ALDH1L1: variants seen among roughly 807,000 people sequenced by gnomAD.
The protein encoded by ALDH1L1 is cytosolic 10-formyltetrahydrofolate dehydrogenase.
ALDH1L1 carries 68 observed loss-of-function variants against 101.1 expected under a neutral mutation model. The observed-to-expected ratio is 0.67, with a 90% CI of 0.55 to 0.82. The LOEUF is 0.82. Among genes scored for constraint, ALDH1L1 ranks in the 40% least tolerant of loss-of-function variants. The pLI, the probability that ALDH1L1 is intolerant of heterozygous loss-of-function variation, is 0.00. For missense variants in ALDH1L1, 1,087 were observed against 1,172.7 expected, an observed-to-expected ratio of 0.93 and a Z score of 1.07; for synonymous variants, 486 against 470.8, an observed-to-expected ratio of 1.03 and a Z score of -0.42.
intron 20 of ALDH1L1, among the ~76,000 whole-genome samples, chr3:126,109,617 G>A (rs923771345): frequency 5.9e-5 from 9 of 152,210 alleles, no homozygotes; most frequent in Non-Finnish European, 1.2e-4. Context: ...GAGGTTAACA[G>A]CCAGTGAAAT....
Position 126,167,110 on chromosome 3 carries a change from C to G in ALDH1L1, c.-23-6108G>C, listed in dbSNP as rs184832465. Among the ~76,000 whole-genome samples the G allele has an allele frequency of 3.3e-5, 5 of 152,202 alleles. No homozygotes were observed. The South Asian group carries it at 6.2e-4, about 19-fold the overall frequency. On this transcript the variant is annotated intron_variant, in intron 1 of 22. Transcript: ENST00000393434. ...CCAACCATAAATTCAAGTTATTATACTATATAAGCCTATAAAATACATAGA... is the reference window on the plus strand; with the variant it reads ...CCAACCATAAATTCAAGTTATTATAGTATATAAGCCTATAAAATACATAGA...
intron 1 of ALDH1L1, among the ~76,000 whole-genome samples, chr3:126,174,795 A>G (rs143736757): frequency 7.4e-4 from 112 of 152,294 alleles, no homozygotes; most frequent in African/African-American, 2.5e-3. Context: ...ATATATTATT[A>G]AAGAAGAAAG....
At chr3:126,183,539 T>C (rs2081493177), upstream of ALDH1L1, among the ~76,000 whole-genome samples, 1 of 152,138 alleles carries the variant, frequency 6.6e-6, no homozygotes, top group Admixed American at 6.5e-5. Context: ...GGAGAATCAC[T>C]CTGGGGCCAG....
intron 7 of ALDH1L1, chr3:126,153,211 G>A: frequency 1.7e-6 from 1 of 598,790 alleles, no homozygotes; most frequent in East Asian, 3.2e-5. Flanking sequence ...GCCTAGCCAG[G>A]AAGGGTAGGG....
chr3:126,191,503 G>A (rs910484766), intron 1 of ALDH1L1, among the ~76,000 whole-genome samples: 4 of 152,178 alleles, frequency 2.6e-5, no homozygotes, highest in African/African-American at 4.8e-5. Context: ...CGGTAAGGCC[G>A]GTTTCTGCCA....
At chr3:126,121,271 G>A (rs1003874471) in intron 16 of ALDH1L1, among the ~76,000 whole-genome samples, 6 of 152,188 alleles carry the variant, frequency 3.9e-5, no homozygotes, top group East Asian at 1.9e-4. Flanking sequence ...GCTGCGCGGC[G>A]CTGCCTTGCA....
At chr3:126,127,127 G>T (rs1405456397) in intron 14 of ALDH1L1, among the ~76,000 whole-genome samples, 3 of 152,182 alleles carry the variant, frequency 2.0e-5, no homozygotes. Flanking sequence ...TTAGGCCCTG[G>T]ATTGGTGGTC....
At position 126,163,608 on chromosome 3, in the gene ALDH1L1, T is replaced by C. The variant is rs149719775; in HGVS notation, c.-23-2606A>G. Reference sequence around the variant, plus strand: ...CATATTATGAAAGTTGTCTTATTAATATATTTCTGGCTGCCAATCATGACA... The same window carrying C: ...CATATTATGAAAGTTGTCTTATTAACATATTTCTGGCTGCCAATCATGACA... On this transcript the variant is annotated intron_variant, in intron 1 of 22. Transcript: ENST00000393434. 1.4e-4 allele frequency among the ~76,000 whole-genome samples: 22 copies of C among 152,322 alleles called. No individual in the cohort carries two copies. In the East Asian group the frequency reaches 3.5e-3, roughly 24 times the overall value.
chr3:126,143,131 T>C (rs912710084), intron 9 of ALDH1L1, among the ~76,000 whole-genome samples: 9 of 152,218 alleles, frequency 5.9e-5, no homozygotes, highest in African/African-American at 1.9e-4. Context: ...GAGTATCTCA[T>C]ACAATTTATT....
intron 9 of ALDH1L1, among the ~76,000 whole-genome samples, chr3:126,140,643 C>G (rs529494863): frequency 6.6e-6 from 1 of 151,920 alleles, no homozygotes; most frequent in South Asian, 2.1e-4. Context: ...GACAGTAACA[C>G]TATAAAGGGG....
chr3:126,157,173 CTGTT>C (rs1386327851), intron 4 of ALDH1L1, among the ~76,000 whole-genome samples, 166 bp downstream of exon 4: 2 of 152,154 alleles, frequency 1.3e-5, no homozygotes, highest in Non-Finnish European at 2.9e-5. Context: ...ATACAATACA[CTGTT>C]TGTCCTAATC....
upstream of ALDH1L1, among the ~76,000 whole-genome samples, chr3:126,186,078 T>C (rs1177440193): frequency 1.3e-5 from 2 of 152,102 alleles, no homozygotes; most frequent in African/African-American, 4.8e-5. Context: ...GAGTTTCAGT[T>C]GAAAAAGTTC....
intron 12 of ALDH1L1, 22 bp from the exon 13 acceptor site, chr3:126,131,556 G>C (rs375437366): frequency 1.3e-6 from 2 of 1,594,024 alleles, no homozygotes; most frequent in Non-Finnish European, 1.7e-6. Flanking sequence ...GAGGGGAAGC[G>C]GGAGGTGGGC....
chr3:126,126,426 C>T (rs1215534845), intron 14 of ALDH1L1, among the ~76,000 whole-genome samples: 1 of 152,198 alleles, frequency 6.6e-6, no homozygotes, highest in Non-Finnish European at 1.5e-5. Flanking sequence ...CCACACAGAG[C>T]CCCGTAGACC....
At chr3:126,129,047 T>C (rs2108230444) in intron 14 of ALDH1L1, 1 of 152,718 alleles carries the variant, frequency 6.5e-6, no homozygotes, top group South Asian at 2.1e-4. Context: ...GGCAGTTCTT[T>C]GTTGTGGGGG....
intron 16 of ALDH1L1, among the ~76,000 whole-genome samples, chr3:126,123,137 A>G (rs1379863587): frequency 6.6e-6 from 1 of 152,234 alleles, no homozygotes; most frequent in Non-Finnish European, 1.5e-5. Flanking sequence ...TTTGAAAGCC[A>G]GTGTAGTAAT....
chr3:126,177,993 A>C (rs1020229803), intron 1 of ALDH1L1, among the ~76,000 whole-genome samples: 2 of 152,140 alleles, frequency 1.3e-5, no homozygotes, highest in East Asian at 3.9e-4. Context: ...TAGTGAGCTG[A>C]GATTGTGCCA....
At chr3:126,191,993 T>C (rs1473769799) in intron 1 of ALDH1L1, among the ~76,000 whole-genome samples, 1 of 152,162 alleles carries the variant, frequency 6.6e-6, no homozygotes, top group Admixed American at 6.5e-5. Context: ...AGTCCAGGTA[T>C]ACTTTGATTT....
intron 14 of ALDH1L1, 102 bp downstream of exon 14, chr3:126,130,121 T>G: frequency 9.0e-7 from 1 of 1,106,986 alleles, no homozygotes; most frequent in South Asian, 2.3e-5. Flanking sequence ...GTTTGATAAA[T>G]GCACGCACAG....
Sources: allele counts gnomAD v4.1 joint callset (sites outside exome capture counted in the v4.1 genomes callset), GRCh38; gene constraint gnomAD v4.1.1; transcripts MANE v1.5; gene names NCBI Gene and HGNC (gene_info 2026-07-23, HGNC 2026-07-21).